Variants in PRKAR1A observed in about 807,000 individuals in gnomAD.
PRKAR1A encodes cAMP-dependent protein kinase type I-alpha regulatory subunit.
PRKAR1A carries 3 observed loss-of-function variants against 52.0 expected under a neutral mutation model. The ratio of observed to expected loss-of-function variants is 0.06; its 90% confidence interval spans 0.03 to 0.15. The LOEUF (loss-of-function observed/expected upper bound fraction) is 0.15, where lower values mean the gene tolerates loss of function less well. Among genes scored for constraint, PRKAR1A ranks in the 10% least tolerant of loss-of-function variants. PRKAR1A has a pLI of 1.00. For synonymous variants in PRKAR1A, 188 were observed against 168.4 expected, an observed-to-expected ratio of 1.12 and a Z score of -0.90; for missense variants, 240 against 477.4, an observed-to-expected ratio of 0.50 and a Z score of 4.63.
chr17:68,462,625 A>T, the PRKAR1A span, among the ~76,000 whole-genome samples: 1 of 152,190 alleles, frequency 6.6e-6, no homozygotes, highest in Non-Finnish European at 1.5e-5. Context: ...CTGTCGAGTA[A>T]GTTGCCAAAG....
At chr17:68,450,706 C>G in the PRKAR1A span, 1 of 1,596,584 alleles carries the variant, frequency 6.3e-7, no homozygotes, top group Non-Finnish European at 8.5e-7. Context: ...GCTTTGAAAC[C>G]CTGAGGGATT....
intron 11 of PRKAR1A, chr17:68,539,941 C>G: frequency 6.2e-7 from 1 of 1,614,190 alleles, no homozygotes; most frequent in Non-Finnish European, 8.5e-7. Context: ...TGGTGAACAT[C>G]TCATAATGGT....
At chr17:68,502,489 G>A in the PRKAR1A span, among the ~76,000 whole-genome samples, 1 of 152,108 alleles carries the variant, frequency 6.6e-6, no homozygotes, top group Non-Finnish European at 1.5e-5. Context: ...AGTGGCTCAC[G>A]CCTGTAATCC....
chr17:68,469,306 C>T, the PRKAR1A span, among the ~76,000 whole-genome samples: 2 of 152,000 alleles, frequency 1.3e-5, no homozygotes, highest in East Asian at 3.9e-4. Flanking sequence ...TTCCCACAAC[C>T]ACATAGCTCA....
At chr17:68,486,487 TTCCTTCCTTCC>T in the PRKAR1A span, among the ~76,000 whole-genome samples, 3 of 61,382 alleles carry the variant, frequency 4.9e-5, no homozygotes, top group African/African-American at 1.4e-4. Flanking sequence ...CCTTCCTTCC[TTCCTTCCTTCC>T]TTCCTTCCTT....
At chr17:68,429,724 G>A in the PRKAR1A span, among the ~76,000 whole-genome samples, 6 of 152,232 alleles carry the variant, frequency 3.9e-5, no homozygotes, top group Middle Eastern at 6.8e-3. Flanking sequence ...AAGTAGCTGG[G>A]ACTACAGGCA....
At chr17:68,451,655 T>C in the PRKAR1A span, among the ~76,000 whole-genome samples, 6 of 152,202 alleles carry the variant, frequency 3.9e-5, no homozygotes, top group African/African-American at 1.4e-4. Flanking sequence ...GCTTCAGAAT[T>C]CTTCTTGTCC....
In PRKAR1A at chr17:68,531,677, C is replaced by T; in HGVS notation, c.*1228C>T. ...CTATCCTGCTGAAAGTCCTGCTTTC[C>T]TATCTAGCATTTATTTCTCTGGCAA... On this transcript the variant is annotated 3_prime_UTR_variant, in exon 11 of 11. Coordinates refer to ENST00000589228, the MANE Select transcript of PRKAR1A (RefSeq NM_002734.5). 1.9e-6 allele frequency: 2 copies of T among 1,065,642 alleles called. No individual in the cohort carries two copies. Among genetic ancestry groups the T allele is most frequent in the Non-Finnish European group, 2.3e-6 (2 of 879,030 alleles). 66.0% of individuals were successfully genotyped at this position (1,065,642 alleles called of 1,614,324 possible).
the PRKAR1A span, chr17:68,426,109 G>C: frequency 6.2e-7 from 1 of 1,612,504 alleles, no homozygotes; most frequent in African/African-American, 1.3e-5. Context: ...AAGACACACT[G>C]GTCCCGTCGC....
chr17:68,543,800 G>T, intron 11 of PRKAR1A: 1 of 1,260,608 alleles, frequency 7.9e-7, no homozygotes, highest in Non-Finnish European at 1.2e-6. Context: ...AGCATGACCA[G>T]CGAGAAAGGA....
downstream of PRKAR1A, chr17:68,536,660 C>T (rs1262577774): frequency 2.2e-6 from 1 of 452,748 alleles, no homozygotes; most frequent in Admixed American, 2.4e-5. Context: ...AGCCTTGGCT[C>T]TTTTCCTGCC....
In PRKAR1A at chr17:68,539,997, C is replaced by G. The variant is rs370441655; in HGVS notation, c.973+9996C>G. ...AAGGAGGGGAGGACTTAGCTGGAAC[C>G]AGCAGGCCAGGGGGACAGGTGCTCC... On this transcript the variant is annotated intron_variant, in intron 11 of 11. Coordinates refer to the PRKAR1A transcript ENST00000585981. The G allele has an allele frequency of 2.5e-6, 4 of 1,601,740 alleles. No homozygotes were observed. The African/African-American group carries it at 5.4e-5, about 21-fold the overall frequency.
chr17:68,417,355 T>C, the PRKAR1A span, among the ~76,000 whole-genome samples: 1 of 152,224 alleles, frequency 6.6e-6, no homozygotes, highest in Non-Finnish European at 1.5e-5. Flanking sequence ...TAAAAATTAC[T>C]TTTCTCCTAC....
At chr17:68,547,430 T>C (rs1344382417) in intron 11 of PRKAR1A, among the ~76,000 whole-genome samples, 2 of 152,254 alleles carry the variant, frequency 1.3e-5, no homozygotes, top group East Asian at 1.9e-4. Flanking sequence ...CTTCTTCCAA[T>C]AGAAGGCTGT....
chr17:68,463,390 TATTC>T, the PRKAR1A span, among the ~76,000 whole-genome samples: 1 of 152,224 alleles, frequency 6.6e-6, no homozygotes, highest in Non-Finnish European at 1.5e-5. Flanking sequence ...GGAGTTTGTA[TATTC>T]ATTCATTCAT....
At chr17:68,513,984 C>T (rs2085351120) in intron 1 of PRKAR1A, among the ~76,000 whole-genome samples, 1 of 152,190 alleles carries the variant, frequency 6.6e-6, no homozygotes, top group African/African-American at 2.4e-5. Context: ...GACAATTCTA[C>T]TGAAGTGGAT....
At chr17:68,438,042 G>A in the PRKAR1A span, among the ~76,000 whole-genome samples, 1 of 149,280 alleles carries the variant, frequency 6.7e-6, no homozygotes, top group Non-Finnish European at 1.5e-5. Context: ...AAAAACTTTA[G>A]GTCAGGCTGA....
chr17:68,509,350 A>G (rs1192974069), upstream of PRKAR1A, among the ~76,000 whole-genome samples: 1 of 152,066 alleles, frequency 6.6e-6, no homozygotes, highest in Non-Finnish European at 1.5e-5. Flanking sequence ...TTTTTTGTAG[A>G]GACGGCGGTC....
chr17:68,522,300 T>C (rs2085637331), intron 2 of PRKAR1A, among the ~76,000 whole-genome samples: 1 of 152,246 alleles, frequency 6.6e-6, no homozygotes, highest in African/African-American at 2.4e-5. Context: ...CTAGACATTC[T>C]TGGATCACTA....
Sources: gnomAD v4.1 joint callset for allele counts (sites outside exome capture counted in the v4.1 genomes callset) on GRCh38, gnomAD v4.1.1 for gene constraint, MANE v1.5 for transcripts, NCBI Gene and HGNC (gene_info 2026-07-23, HGNC 2026-07-21) for gene names.